Variants in PIP5K1B observed in about 807,000 individuals in gnomAD.
The protein encoded by PIP5K1B is phosphatidylinositol-4-phosphate 5-kinase type 1 beta.
Under a neutral mutation model 67.0 loss-of-function variants are expected in PIP5K1B, and 42 were observed. The observed-to-expected ratio is 0.63, with a 90% CI of 0.49 to 0.81. The LOEUF (loss-of-function observed/expected upper bound fraction) is 0.81, where lower values mean the gene tolerates loss of function less well. Ranked by LOEUF, PIP5K1B falls within the 30% of genes least tolerant of loss-of-function variation. The pLI is 0.00. For synonymous variants in PIP5K1B, 214 were observed against 231.4 expected, an observed-to-expected ratio of 0.92 and a Z score of 0.68; for missense variants, 459 against 646.3, an observed-to-expected ratio of 0.71 and a Z score of 3.14.
chr9:68,717,196 C>A (rs539309898), intron 1 of PIP5K1B, among the ~76,000 whole-genome samples: 1 of 152,102 alleles, frequency 6.6e-6, no homozygotes, highest in Non-Finnish European at 1.5e-5. Context: ...TGCAATATAT[C>A]CAGGTAACAA....
intron 11 of PIP5K1B, among the ~76,000 whole-genome samples, chr9:68,920,353 G>T (rs1458281691): frequency 7.4e-6 from 1 of 134,324 alleles, no homozygotes; most frequent in African/African-American, 2.9e-5. Flanking sequence ...GGCTGCCTGA[G>T]GTTGTCTTTT....
intron 2 of PIP5K1B, chr9:68,788,343 G>T: frequency 1.1e-6 from 1 of 939,442 alleles, no homozygotes; most frequent in Non-Finnish European, 1.6e-6. Flanking sequence ...CTTTGGTCAT[G>T]TATTTTATGC....
At chr9:68,952,189 G>T (rs557295939) in intron 14 of PIP5K1B, among the ~76,000 whole-genome samples, 41 of 152,280 alleles carry the variant, frequency 2.7e-4, no homozygotes, top group African/African-American at 8.9e-4. Flanking sequence ...TGACTGCCTT[G>T]TTCTTCGGTT....
chr9:68,774,936 T>A (rs1388800093), intron 2 of PIP5K1B, among the ~76,000 whole-genome samples: 2 of 152,252 alleles, frequency 1.3e-5, no homozygotes, highest in South Asian at 2.1e-4. Context: ...TCAACTCTGC[T>A]AGAAATGTGG....
At chr9:68,711,811 C>G (rs1333340) in intron 1 of PIP5K1B, among the ~76,000 whole-genome samples, 104,643 of 152,082 alleles carry the variant, frequency 0.69, 36,443 homozygotes, top group African/African-American at 0.79. Context: ...TGAAAGTATT[C>G]AGTAAGCGTA....
At chr9:68,994,720 T>C (rs1316298440) in intron 15 of PIP5K1B, among the ~76,000 whole-genome samples, 1 of 152,202 alleles carries the variant, frequency 6.6e-6, no homozygotes, top group Non-Finnish European at 1.5e-5. Flanking sequence ...TCTTCACCTG[T>C]TGCAAAACCA....
chr9:68,783,974 C>A lies in PIP5K1B; in HGVS notation c.-85-34487C>A, dbSNP rs145582503. The A allele has an allele frequency of 9.6e-5, 16 of 167,278 alleles. No homozygotes were observed. The East Asian group carries it at 2.7e-3, about 28-fold the overall frequency. The allele number at this position is 167,278 out of a possible 1,614,324, so 10.4% of individuals were successfully genotyped here. Reference sequence around the variant, plus strand: ...AGGAATTTGGTCCTTCCCTCCTCCCCCCTCGTTTTCTGTGCTTCGCCCTCA... The same window carrying A: ...AGGAATTTGGTCCTTCCCTCCTCCCACCTCGTTTTCTGTGCTTCGCCCTCA... On this transcript the variant is annotated intron_variant, in intron 2 of 15. Coordinates refer to ENST00000265382, the MANE Select transcript of PIP5K1B (RefSeq NM_003558.4).
At position 68,931,155 on chromosome 9, in the gene PIP5K1B, A is replaced by G. The variant is rs373029739; in HGVS notation, c.1202-3735A>G. Among the ~76,000 whole-genome samples the G allele has an allele frequency of 3.2e-4, 48 of 152,322 alleles. 1 individual carries two copies. The East Asian group carries it at 6.9e-3, about 22-fold the overall frequency. On this transcript the variant is annotated intron_variant, in intron 12 of 15. Coordinates refer to ENST00000265382, the MANE Select transcript of PIP5K1B (RefSeq NM_003558.4). Reference sequence around the variant, plus strand: ...ATGCTGCCGGTGTAATAATGTCTACAAAATCCTATAATATTTCCTGGAAAT... The same window carrying G: ...ATGCTGCCGGTGTAATAATGTCTACGAAATCCTATAATATTTCCTGGAAAT...
chr9:68,910,585 T>C (rs999236245), intron 8 of PIP5K1B, among the ~76,000 whole-genome samples: 2 of 152,210 alleles, frequency 1.3e-5, no homozygotes, highest in Non-Finnish European at 2.9e-5. Flanking sequence ...CAAAATGCAC[T>C]AAGTCAAACC....
At chr9:68,765,706 G>C (rs1036385158) in intron 2 of PIP5K1B, among the ~76,000 whole-genome samples, 1 of 152,102 alleles carries the variant, frequency 6.6e-6, no homozygotes, top group Non-Finnish European at 1.5e-5. Flanking sequence ...TATCCAATTT[G>C]TTAGTAACTT....
At chr9:68,776,151 G>T (rs556626686) in intron 2 of PIP5K1B, among the ~76,000 whole-genome samples, 1 of 152,280 alleles carries the variant, frequency 6.6e-6, no homozygotes, top group Non-Finnish European at 1.5e-5. Context: ...GTAGGTTGTT[G>T]ATGCTAATTA....
At chr9:68,894,750 G>A (rs1268779821) in intron 8 of PIP5K1B, 112 bp downstream of exon 8, 6 of 994,950 alleles carry the variant, frequency 6.0e-6, no homozygotes, top group Non-Finnish European at 9.1e-6. Flanking sequence ...CAGACATGTG[G>A]AATCCTATCT....
intron 4 of PIP5K1B, among the ~76,000 whole-genome samples, chr9:68,863,032 A>G (rs1218544865): frequency 6.6e-6 from 1 of 152,154 alleles, no homozygotes; most frequent in African/African-American, 2.4e-5. Context: ...TCTATAAAGT[A>G]AATGATCTTT....
At chr9:68,925,386 A>G (rs541338707) in intron 12 of PIP5K1B, among the ~76,000 whole-genome samples, 9 of 152,168 alleles carry the variant, frequency 5.9e-5, no homozygotes, top group Non-Finnish European at 1.2e-4. Flanking sequence ...CTTAGCCAGC[A>G]TTGTGGTTTT....
intron 1 of PIP5K1B, among the ~76,000 whole-genome samples, chr9:68,721,737 G>T (rs956747574): frequency 2.6e-5 from 4 of 152,132 alleles, no homozygotes; most frequent in Admixed American, 2.6e-4. Context: ...GAAGCTGTGT[G>T]TAAGTGTGGA....
intron 4 of PIP5K1B, among the ~76,000 whole-genome samples, chr9:68,857,959 TTTGTTG>T (rs71353086): frequency 1.5e-4 from 23 of 149,306 alleles, no homozygotes; most frequent in Admixed American, 3.4e-4. Flanking sequence ...CTCTTGCTGT[TTTGTTG>T]TTGTTGTTGT....
In PIP5K1B at chr9:68,775,809, A is replaced by G. The variant is rs149692299; in HGVS notation, c.-86+33152A>G. On this transcript the variant is annotated intron_variant, in intron 2 of 15. Transcript: ENST00000265382. Reference sequence around the variant, plus strand: ...AGTCATAGTGTATGTATTCTTTTGTACTTAATTTCTTTCATTCAACATTAT... The same window carrying G: ...AGTCATAGTGTATGTATTCTTTTGTGCTTAATTTCTTTCATTCAACATTAT... Among the ~76,000 whole-genome samples the G allele has an allele frequency of 3.9e-3, 589 of 152,234 alleles. 3 individuals carry two copies. Among genetic ancestry groups the G allele is most frequent in the Non-Finnish European group, 6.2e-3 (424 of 68,002 alleles).
intron 1 of PIP5K1B, among the ~76,000 whole-genome samples, chr9:68,735,825 A>G (rs1260836514): frequency 9.2e-5 from 14 of 152,204 alleles, no homozygotes; most frequent in Admixed American, 9.2e-4. Flanking sequence ...CCCATTGCTA[A>G]GGTGGCATTT....
At chr9:68,947,036 G>GA in intron 14 of PIP5K1B, among the ~76,000 whole-genome samples, 1 of 152,208 alleles carries the variant, frequency 6.6e-6, no homozygotes, top group Non-Finnish European at 1.5e-5. Flanking sequence ...AGTGATTTGA[G>GA]ACACTAATAC....
Sources: gnomAD v4.1 joint callset for allele counts (sites outside exome capture counted in the v4.1 genomes callset) on GRCh38, gnomAD v4.1.1 for gene constraint, MANE v1.5 for transcripts, NCBI Gene and HGNC (gene_info 2026-07-23, HGNC 2026-07-21) for gene names.